Variants in LRGUK observed in about 807,000 individuals in gnomAD.
LRGUK encodes leucine rich repeats and guanylate kinase domain containing.
Under a neutral mutation model 76.0 loss-of-function variants are expected in LRGUK, and 65 were observed. That is an observed-to-expected ratio of 0.85 (90% CI 0.70 to 1.05). LRGUK has a LOEUF of 1.05. Ranked by LOEUF, LRGUK falls within the 50% of genes least tolerant of loss-of-function variation. The pLI, the probability that LRGUK is intolerant of heterozygous loss-of-function variation, is 0.00. For synonymous variants in LRGUK, 268 were observed against 265.6 expected, an observed-to-expected ratio of 1.01 and a Z score of -0.09; for missense variants, 758 against 732.8, an observed-to-expected ratio of 1.03 and a Z score of -0.40.
intron 7 of LRGUK, among the ~76,000 whole-genome samples, chr7:134,173,962 A>G (rs1799371428): frequency 6.6e-6 from 1 of 152,120 alleles, no homozygotes; most frequent in African/African-American, 2.4e-5. Context: ...TGCAAAAATT[A>G]TTTAGGCATG....
chr7:134,231,816 C>T lies in LRGUK; in HGVS notation c.1983+9898C>T, dbSNP rs545808094. 9.1e-4 allele frequency among the ~76,000 whole-genome samples: 135 copies of T among 148,588 alleles called. 1 individual carries two copies. The highest frequency in any genetic ancestry group is 3.2e-3 in the African/African-American group (128 of 39,986). ...CCTCCCTTCTTTACTTCTTATCTTC[C>T]TTTTCCCTGCCTTCTTTACTTTCTC... On this transcript the variant is annotated intron_variant, in intron 16 of 19. Transcript: ENST00000285928.
intron 10 of LRGUK, among the ~76,000 whole-genome samples, chr7:134,182,305 T>A (rs1799790304): frequency 6.6e-6 from 1 of 152,218 alleles, no homozygotes; most frequent in South Asian, 2.1e-4. Flanking sequence ...AATAGAGCTG[T>A]CATGAACATT....
chr7:134,217,807 C>G (rs543884167), intron 15 of LRGUK, among the ~76,000 whole-genome samples: 17 of 152,164 alleles, frequency 1.1e-4, no homozygotes, highest in African/African-American at 4.1e-4. Context: ...TTTTTTATGA[C>G]TACATATTTC....
At chr7:134,262,972 A>C (rs1286210941) in intron 19 of LRGUK, among the ~76,000 whole-genome samples, 4 of 11,254 alleles carry the variant, frequency 3.6e-4, no homozygotes, top group African/African-American at 7.9e-4. Context: ...CCTGGTCTCA[A>C]AAAAAAAAAA....
chr7:134,151,897 T>C (rs555304234), intron 5 of LRGUK, among the ~76,000 whole-genome samples: 1 of 152,218 alleles, frequency 6.6e-6, no homozygotes, highest in East Asian at 1.9e-4. Flanking sequence ...CACAAATTCA[T>C]AGAGGATGTC....
chr7:134,248,947 C>G lies in LRGUK; in HGVS notation c.2073-4C>G. 6.9e-7 allele frequency: 1 copy of G among 1,441,118 alleles called. No homozygotes were observed. Among genetic ancestry groups the G allele is most frequent in the Non-Finnish European group, 9.2e-7 (1 of 1,088,558 alleles). The allele number at this position is 1,441,118 out of a possible 1,614,324, so 89.3% of individuals were successfully genotyped here. A position where few individuals can be genotyped will look rare whatever the true frequency, so the allele number is the denominator to read the frequency against. On this transcript the variant is annotated splice_region_variant and splice_polypyrimidine_tract_variant and intron_variant, in intron 17 of 19. Coordinates refer to the LRGUK transcript ENST00000285928. ...TTTTTTTTTTTTTAAATTTCCCATTCCAGGGGTCCAGTACCAGCACCTCTC... is the reference window on the plus strand; with the variant it reads ...TTTTTTTTTTTTTAAATTTCCCATTGCAGGGGTCCAGTACCAGCACCTCTC...
chr7:134,172,160 T>C (rs1288065560), intron 7 of LRGUK, among the ~76,000 whole-genome samples: 1 of 152,220 alleles, frequency 6.6e-6, no homozygotes, highest in Non-Finnish European at 1.5e-5. Flanking sequence ...TCATTGTAAA[T>C]ATCACTATCT....
chr7:134,230,645 G>A (rs893414568), intron 16 of LRGUK, among the ~76,000 whole-genome samples: 9 of 152,168 alleles, frequency 5.9e-5, no homozygotes, highest in African/African-American at 1.4e-4. Flanking sequence ...AATAAAATAC[G>A]TACAGTAATG....
intron 16 of LRGUK, among the ~76,000 whole-genome samples, chr7:134,239,447 G>A (rs1462948287): frequency 1.3e-5 from 2 of 152,200 alleles, no homozygotes; most frequent in Non-Finnish European, 2.9e-5. Context: ...CAGCCTCGCT[G>A]ACTGCTAGCA....
chr7:134,178,663 C>T (rs1346559698), intron 10 of LRGUK, 54 bp downstream of exon 10: 22 of 1,381,558 alleles, frequency 1.6e-5, no homozygotes, highest in Non-Finnish European at 2.2e-5. Flanking sequence ...CAAAAGACAG[C>T]CTCATCACTT....
downstream of LRGUK, among the ~76,000 whole-genome samples, chr7:134,213,942 A>C (rs1190107461): frequency 6.6e-6 from 1 of 152,250 alleles, no homozygotes; most frequent in Non-Finnish European, 1.5e-5. Context: ...TTATAGGAAC[A>C]AAAAAACATT....
At chr7:134,199,255 T>G (rs753890433) in exon 14 of LRGUK, 1 of 1,613,938 alleles carries the variant, frequency 6.2e-7, no homozygotes, top group Non-Finnish European at 8.5e-7. Context: ...ATTTTGAGCC[T>G]CGTTATATCC....
chr7:134,141,057 C>T (rs750986567), intron 3 of LRGUK, among the ~76,000 whole-genome samples: 1 of 152,140 alleles, frequency 6.6e-6, no homozygotes, highest in Non-Finnish European at 1.5e-5. Context: ...TGGTGGGGGC[C>T]TTGCCAATGC....
chr7:134,214,401 T>C (rs777893384), downstream of LRGUK, among the ~76,000 whole-genome samples: 1 of 152,214 alleles, frequency 6.6e-6, no homozygotes, highest in Non-Finnish European at 1.5e-5. Flanking sequence ...AGTCTAGTAA[T>C]TCGAATCTGA....
chr7:134,141,093 G>A (rs926709327), intron 3 of LRGUK, among the ~76,000 whole-genome samples: 10 of 152,174 alleles, frequency 6.6e-5, no homozygotes, highest in African/African-American at 2.4e-4. Flanking sequence ...GGAGCAGGGA[G>A]CCCACAGTTA....
intron 16 of LRGUK, among the ~76,000 whole-genome samples, chr7:134,234,465 G>T (rs1901217): frequency 0.052 from 7,871 of 152,072 alleles, 448 homozygotes; most frequent in East Asian, 0.15. Context: ...CTCCAAAGTC[G>T]TCCTTTGATT....
At chr7:134,157,973 A>C in intron 5 of LRGUK, 62 bp from the exon 6 acceptor site, 2 of 1,501,664 alleles carry the variant, frequency 1.3e-6, no homozygotes, top group Middle Eastern at 1.8e-4. Flanking sequence ...TTTAACACTG[A>C]TTCTTTTTTT....
intron 12 of LRGUK, among the ~76,000 whole-genome samples, chr7:134,193,106 G>A (rs1800327842): frequency 6.6e-6 from 1 of 152,148 alleles, no homozygotes; most frequent in Non-Finnish European, 1.5e-5. Context: ...TGTGTTTGTG[G>A]AGATATACAA....
intron 8 of LRGUK, among the ~76,000 whole-genome samples, chr7:134,176,360 A>G (rs1799479219): frequency 6.6e-6 from 1 of 152,166 alleles, no homozygotes; most frequent in Non-Finnish European, 1.5e-5. Context: ...CGTCCTGCAC[A>G]TGTATCCCAG....
Sources: gnomAD v4.1 joint callset for allele counts (sites outside exome capture counted in the v4.1 genomes callset) on GRCh38, gnomAD v4.1.1 for gene constraint, MANE v1.5 for transcripts, NCBI Gene and HGNC (gene_info 2026-07-23, HGNC 2026-07-21) for gene names.